PLOD3: variants seen among roughly 807,000 people sequenced by gnomAD.
PLOD3 encodes the protein procollagen-lysine,2-oxoglutarate 5-dioxygenase 3.
In PLOD3, 73 loss-of-function variants were observed where a neutral mutation model predicts 96.9. That is an observed-to-expected ratio of 0.75 (90% CI 0.62 to 0.92). The LOEUF is 0.92. PLOD3 is among the 40% of genes least tolerant of loss of function. The probability of loss-of-function intolerance (pLI) is 0.00; values close to 1 mark genes in which losing one functional copy is unlikely to be tolerated. For missense variants in PLOD3, 1,004 were observed against 1,004.3 expected (o/e 1.00, Z 0.00); for synonymous variants, 454 against 413.7 (o/e 1.10, Z -1.18).
rs770938015 is a variant in PLOD3, at chr7:101,212,556, T to A, written c.979A>T (p.Arg327Trp). The A allele has an allele frequency of 3.1e-6, 5 of 1,612,964 alleles. No individual in the cohort carries two copies. Among genetic ancestry groups the A allele is most frequent in the Non-Finnish European group, 4.2e-6 (5 of 1,179,720 alleles). Residue 327 changes from arginine to tryptophan, a missense_variant, in exon 9 of 19, where the codon AGG (arginine) becomes TGG (tryptophan). Arg to Trp is a moderately radical substitution (Grantham distance 101, BLOSUM62 -3). Transcript: ENST00000223127. ...TTGTTGTGCAGGAAAAGGGTGACCC[T>A]GTCGGGGGGATAGTCCAGGAGTAGC... ...RLLLLDYPPD[R>W]VTLFLHNNEV... is the part of the protein sequence containing the mutation.
chr7:101,212,587 C>G lies in PLOD3; in HGVS notation c.948G>C (p.Gln316His). The G allele has an allele frequency of 6.2e-7, 1 of 1,613,880 alleles. No homozygotes were observed. ...GGGGATAGTCCAGGAGTAGCAGCCGCTGCAGGAAGCGGGGCAGAAACGGAG... is the reference window on the plus strand; with the variant it reads ...GGGGATAGTCCAGGAGTAGCAGCCGGTGCAGGAAGCGGGGCAGAAACGGAG... ...QPTPFLPRFL[Q>H]RLLLLDYPPD... Residue 316 changes from glutamine (Q) to histidine (H), a missense_variant, in exon 9 of 19, where the codon CAG becomes CAC. Physicochemically the swap from Gln to His is conservative, Grantham distance 24. Coordinates refer to ENST00000223127, the MANE Select transcript of PLOD3 (RefSeq NM_001084.5).
chr7:101,213,519 TTTA>T, intron 6 of PLOD3: 7 of 312,652 alleles, frequency 2.2e-5, no homozygotes, highest in Non-Finnish European at 4.3e-5. Context: ...TTTTTTTTTT[TTTA>T]TTTTTATTTT....
chr7:101,211,283 G>A (rs1798176609), intron 12 of PLOD3: 2 of 315,952 alleles, frequency 6.3e-6, no homozygotes, highest in African/African-American at 4.3e-5. Flanking sequence ...AAGTTCAAGT[G>A]ATTCTCCCAC....
chr7:101,213,388 C>A, intron 6 of PLOD3, 184 bp from the exon 7 acceptor site: 1 of 660,570 alleles, frequency 1.5e-6, no homozygotes, highest in South Asian at 1.7e-5. Context: ...CAGAGAGCTC[C>A]ACTGCCTACT....
chr7:101,215,181 T>C, intron 5 of PLOD3, 29 bp from the exon 6 acceptor site: 1 of 1,488,206 alleles, frequency 6.7e-7, no homozygotes, highest in Non-Finnish European at 9.4e-7. Flanking sequence ...GATGGAGTGG[T>C]TAAAATGGAA....
chr7:101,210,240 TG>T lies in PLOD3; in HGVS notation c.1615-80del. The T allele has an allele frequency of 2.0e-6, 3 of 1,467,794 alleles. No individual in the cohort carries two copies. In the African/African-American group the frequency reaches 4.2e-5, roughly 20 times the overall value. 90.9% of individuals were successfully genotyped at this position (1,467,794 alleles called of 1,614,324 possible). A position where few individuals can be genotyped will look rare whatever the true frequency, so the allele number is the denominator to read the frequency against. On this transcript the variant is annotated intron_variant, in intron 14 of 18. Transcript: ENST00000223127. ...CAGGGGACCGCCCCCTCCCACTCAG[TG>T]TCCTGCGCTGGCAGCAGCCATCACG...
At position 101,212,557 on chromosome 7, in the gene PLOD3, G is replaced by A; in HGVS notation, c.978C>T (p.Asp326=). Residue 326 remains aspartate, a synonymous_variant, in exon 9 of 19, where the codon GAC becomes GAT. Transcript: ENST00000223127. ...TGTTGTGCAGGAAAAGGGTGACCCTGTCGGGGGGATAGTCCAGGAGTAGCA... is the reference window on the plus strand; with the variant it reads ...TGTTGTGCAGGAAAAGGGTGACCCTATCGGGGGGATAGTCCAGGAGTAGCA... ...QRLLLLDYPP[D]RVTLFLHNNE... 6.2e-7 allele frequency: 1 copy of A among 1,613,904 alleles called. No individual in the cohort carries two copies. Among genetic ancestry groups the A allele is most frequent in the East Asian group, 2.2e-5 (1 of 44,866 alleles).
At chr7:101,210,071 T>TGCGTGGGC in intron 15 of PLOD3, 22 bp downstream of exon 15, 1 of 1,051,770 alleles carries the variant, frequency 9.5e-7, no homozygotes, top group Non-Finnish European at 1.3e-6. Flanking sequence ...AGGGGGTGGG[T>TGCGTGGGC]GGGGAGGCTG....
chr7:101,212,425 C>T lies in PLOD3; in HGVS notation c.1006-51G>A, dbSNP rs368592873. The T allele has an allele frequency of 5.1e-5, 81 of 1,600,382 alleles. No individual in the cohort carries two copies. The East Asian group carries it at 9.4e-4, about 19-fold the overall frequency. ...GGGCTCAGAGGGCAGGGAGGCGGCA[C>T]CTGAGGGATGGGGGTGCAGGAAGGA... On this transcript the variant is annotated intron_variant, in intron 9 of 18. Transcript: ENST00000223127.
At chr7:101,215,805 C>G in intron 5 of PLOD3, 103 bp downstream of exon 5, 1 of 813,242 alleles carries the variant, frequency 1.2e-6, no homozygotes, top group Non-Finnish European at 2.1e-6. Flanking sequence ...CCCAGGCACA[C>G]ATTTTTCTCT....
In PLOD3 at chr7:101,216,185, C is replaced by T. The variant is rs770360527; in HGVS notation, c.480G>A (p.Gly160=). 10 of 1,613,932 alleles carry T rather than the reference C, an allele frequency of 6.2e-6. No individual in the cohort carries two copies. The African/African-American group carries it at 1.2e-4, about 19-fold the overall frequency. Residue 160 remains glycine, a synonymous_variant, in exon 4 of 19, where the codon GGG becomes GGA. Transcript: ENST00000223127. ...CACCACCAGAATTGAGGAAGCGCTT[C>T]CCCGTGCCCACCTCAGGGTACTGCT... The part of the protein sequence containing the change: ...LAEQYPEVGT[G]KRFLNSGGFI...
At chr7:101,217,054 G>C (rs1798288882) in intron 1 of PLOD3, 112 bp downstream of exon 1, 1 of 1,192,630 alleles carries the variant, frequency 8.4e-7, no homozygotes, top group South Asian at 1.6e-5. Context: ...AGAGCACGCT[G>C]GGCGGGGGAC....
intron 5 of PLOD3, 23 bp downstream of exon 5, chr7:101,215,885 G>A (rs201605300): frequency 1.9e-5 from 28 of 1,487,478 alleles, no homozygotes; most frequent in East Asian, 1.8e-4. Context: ...TGCGGGATGC[G>A]CCCACTCCTC....
rs182483308 is a variant in PLOD3, at chr7:101,211,100, C to T, written c.1359-427G>A. On this transcript the variant is annotated intron_variant, in intron 12 of 18. Transcript: ENST00000223127. ...TTCACCATGTTGGCCAGGCTGGTCT[C>T]GAACTCCTGACCTCGAGTAATCCAC... 601 of 226,544 alleles carry T rather than the reference C, an allele frequency of 2.7e-3. 2 individuals are homozygous for T. Among genetic ancestry groups the T allele is most frequent in the Middle Eastern group, 5.2e-3 (3 of 578 alleles). The allele number at this position is 226,544 out of a possible 1,614,324, so 14.0% of individuals were successfully genotyped here. A position where few individuals can be genotyped will look rare whatever the true frequency, so the allele number is the denominator to read the frequency against.
intron 4 of PLOD3, 70 bp downstream of exon 4, chr7:101,216,093 C>T: frequency 3.1e-6 from 5 of 1,609,964 alleles, no homozygotes; most frequent in Non-Finnish European, 4.3e-6. Flanking sequence ...TGTCTCCAGC[C>T]CTCAGGCGCC....
At chr7:101,208,400 C>T (rs1420744908) in intron 16 of PLOD3, among the ~76,000 whole-genome samples, 1 of 152,136 alleles carries the variant, frequency 6.6e-6, no homozygotes, top group Non-Finnish European at 1.5e-5. Context: ...CGCCACCATG[C>T]CCGGCTAATT....
At chr7:101,212,441 G>T in intron 9 of PLOD3, 67 bp from the exon 10 acceptor site, 1 of 1,574,140 alleles carries the variant, frequency 6.4e-7, no homozygotes, top group Non-Finnish European at 8.7e-7. Flanking sequence ...GGATGGGGGT[G>T]CAGGAAGGAG....
Position 101,212,253 on chromosome 7 carries a change from A to T in PLOD3, c.1127T>A (p.Met376Lys). ...LSPGEARDMA[M>K]DLCRQDPECE... The stretch of plus-strand genomic sequence containing the variant: ...CTCCTCCCCGCAAGCACCCGCTCAC[A>T]TGGCCATGTCCCTGGCCTCGCCTGG... Residue 376 changes from methionine (M) to lysine (K), a missense_variant and splice_region_variant, in exon 10 of 19, where the codon ATG (methionine) becomes AAG (lysine). Physicochemically the swap from Met to Lys is moderately conservative, Grantham distance 95. Transcript: ENST00000223127. 6.2e-7 allele frequency: 1 copy of T among 1,612,666 alleles called. No individual in the cohort carries two copies. The highest frequency in any genetic ancestry group is 8.5e-7 in the Non-Finnish European group (1 of 1,179,928).
Position 101,209,075 on chromosome 7 carries a change from C to T in PLOD3, c.1684-118G>A, listed in dbSNP as rs537125957. On this transcript the variant is annotated intron_variant, in intron 15 of 18. Coordinates refer to ENST00000223127, the MANE Select transcript of PLOD3 (RefSeq NM_001084.5). ...GCAGGGAAGGCTTTGTGAGAGCAGC[C>T]GGGGACCCGCCAGGTAGGGGCTGAG... The T allele has an allele frequency of 2.3e-3, 1,749 of 764,290 alleles. 31 individuals are homozygous for T. The South Asian group carries it at 0.023, about 10-fold the overall frequency. The allele number at this position is 764,290 out of a possible 1,614,324, so 47.3% of individuals were successfully genotyped here. A position where few individuals can be genotyped will look rare whatever the true frequency, so the allele number is the denominator to read the frequency against.
Sources: gnomAD v4.1 joint callset for allele counts (sites outside exome capture counted in the v4.1 genomes callset) on GRCh38, gnomAD v4.1.1 for gene constraint, MANE v1.5 for transcripts, NCBI Gene and HGNC (gene_info 2026-07-23, HGNC 2026-07-21) for gene names.